The following TMEM117 variants were observed in gnomAD, a reference collection of about 807,000 sequenced individuals.
The protein encoded by TMEM117 is transmembrane protein 117.
In TMEM117, 27 loss-of-function variants were observed where a neutral mutation model predicts 52.4. That is an observed-to-expected ratio of 0.51 (90% CI 0.38 to 0.71). The LOEUF is 0.71. Ranked by LOEUF, TMEM117 falls within the 30% of genes least tolerant of loss-of-function variation. The pLI is 0.00. For synonymous variants in TMEM117, 215 were observed against 206.3 expected, an observed-to-expected ratio of 1.04 and a Z score of -0.36; for missense variants, 556 against 630.5, an observed-to-expected ratio of 0.88 and a Z score of 1.26.
chr12:44,004,234 CAG>C (rs146073194), intron 3 of TMEM117, among the ~76,000 whole-genome samples: 2,047 of 152,230 alleles, frequency 0.013, 37 homozygotes, highest in East Asian at 0.061. Flanking sequence ...GGGATTATAA[CAG>C]GGGTAAGCAG....
At chr12:43,979,276 CCTAA>C (rs1197184610) in intron 3 of TMEM117, among the ~76,000 whole-genome samples, 1 of 151,982 alleles carries the variant, frequency 6.6e-6, no homozygotes, top group African/African-American at 2.4e-5. Context: ...GATTAAACTT[CCTAA>C]CTGTGTGTTC....
intron 3 of TMEM117, among the ~76,000 whole-genome samples, chr12:43,971,015 C>A (rs1945576783): frequency 1.3e-5 from 2 of 152,142 alleles, no homozygotes; most frequent in African/African-American, 2.4e-5. Flanking sequence ...CCTACCCTTG[C>A]CACCCTCTCT....
chr12:44,051,519 G>C (rs1026493504), intron 3 of TMEM117, among the ~76,000 whole-genome samples: 1 of 152,006 alleles, frequency 6.6e-6, no homozygotes, highest in Non-Finnish European at 1.5e-5. Flanking sequence ...ATGTTGTAAG[G>C]GAAATTGTAC....
chr12:44,254,263 G>A (rs879520702), intron 5 of TMEM117, among the ~76,000 whole-genome samples: 62 of 151,946 alleles, frequency 4.1e-4, no homozygotes, highest in Non-Finnish European at 7.8e-4. Flanking sequence ...TTACATGCTA[G>A]AAAGTTGTTT....
At chr12:43,958,965 C>A (rs1333304443) in intron 3 of TMEM117, among the ~76,000 whole-genome samples, 5 of 152,062 alleles carry the variant, frequency 3.3e-5, no homozygotes, top group Non-Finnish European at 7.4e-5. Flanking sequence ...CACCACCACG[C>A]CCGGCTAATT....
At position 44,369,264 on chromosome 12, in the gene TMEM117, C is replaced by T. The variant is rs539178772; in HGVS notation, c.769-7331C>T. Among the ~76,000 whole-genome samples, 4 of 152,282 alleles carry T rather than the reference C, an allele frequency of 2.6e-5. No individual in the cohort carries two copies. The South Asian group carries it at 8.3e-4, about 32-fold the overall frequency. ...TTAAATGAGGCCCAGTGCGTTTCAT[C>T]AGACACATTTCTACCTTGACACTTA... is the stretch of plus-strand genomic sequence containing the variant. On this transcript the variant is annotated intron_variant, in intron 6 of 7. Coordinates refer to ENST00000266534, the MANE Select transcript of TMEM117 (RefSeq NM_032256.3).
chr12:44,015,856 A>G (rs1035158235), intron 3 of TMEM117, among the ~76,000 whole-genome samples: 1 of 152,186 alleles, frequency 6.6e-6, no homozygotes, highest in Non-Finnish European at 1.5e-5. Context: ...GGATTTACCA[A>G]ACAACAAATA....
intron 5 of TMEM117, among the ~76,000 whole-genome samples, chr12:44,257,550 C>T (rs1237823363): frequency 3.3e-5 from 5 of 152,068 alleles, no homozygotes; most frequent in East Asian, 3.8e-4. Flanking sequence ...TATCTGATTT[C>T]GAGTTTCTCC....
At chr12:43,820,099 A>AT in the TMEM117 span, among the ~76,000 whole-genome samples, 1,692 of 149,268 alleles carry the variant, frequency 0.011, 28 homozygotes, top group East Asian at 0.075. Flanking sequence ...TTACAGGTGT[A>AT]TTTTTTTTTG....
At chr12:44,111,657 G>C (rs1251107553) in intron 3 of TMEM117, among the ~76,000 whole-genome samples, 10 of 133,208 alleles carry the variant, frequency 7.5e-5, no homozygotes, top group Non-Finnish European at 3.1e-5. Context: ...TAGGTGTGGT[G>C]TGGTGCTGAG....
At chr12:43,821,156 T>TA in the TMEM117 span, among the ~76,000 whole-genome samples, 1,282 of 152,034 alleles carry the variant, frequency 8.4e-3, 10 homozygotes, top group Non-Finnish European at 0.012. Context: ...AAATTTGCAT[T>TA]ACCACTTGAT....
At chr12:43,835,576 C>T (rs115998749), upstream of TMEM117, among the ~76,000 whole-genome samples, 1,329 of 152,226 alleles carry the variant, frequency 8.7e-3, 18 homozygotes, top group African/African-American at 0.029. Context: ...CCCCACATCC[C>T]CACACCACCA....
chr12:43,985,301 T>C (rs1042738408), intron 3 of TMEM117, among the ~76,000 whole-genome samples: 1 of 152,114 alleles, frequency 6.6e-6, no homozygotes, highest in Non-Finnish European at 1.5e-5. Context: ...GCCAGTAAAA[T>C]TGCAATGAAA....
At chr12:43,921,373 T>C (rs1367835452) in intron 2 of TMEM117, among the ~76,000 whole-genome samples, 1 of 152,206 alleles carries the variant, frequency 6.6e-6, no homozygotes, top group Admixed American at 6.5e-5. Flanking sequence ...TTTTAGTTAG[T>C]ATCTGGTAGA....
intron 6 of TMEM117, among the ~76,000 whole-genome samples, chr12:44,370,166 G>C (rs1207358157): frequency 6.6e-6 from 1 of 152,112 alleles, no homozygotes; most frequent in African/African-American, 2.4e-5. Flanking sequence ...GTATTTACAT[G>C]ATGACTAAAA....
At chr12:44,246,410 T>C (rs1950130107) in intron 5 of TMEM117, among the ~76,000 whole-genome samples, 1 of 152,176 alleles carries the variant, frequency 6.6e-6, no homozygotes, top group Non-Finnish European at 1.5e-5. Flanking sequence ...ATGCTCTTCT[T>C]AAAGAAGACT....
chr12:44,198,248 T>C (rs1295805408), intron 4 of TMEM117, among the ~76,000 whole-genome samples: 2 of 152,178 alleles, frequency 1.3e-5, no homozygotes, highest in Non-Finnish European at 2.9e-5. Context: ...AGAAGGGTGG[T>C]AAAACTACAT....
intron 6 of TMEM117, 175 bp from the exon 7 acceptor site, chr12:44,376,420 C>A: frequency 4.0e-6 from 3 of 745,206 alleles, no homozygotes; most frequent in Non-Finnish European, 6.9e-6. Flanking sequence ...ATTTTGAATG[C>A]ATACTGCTAC....
chr12:44,062,236 G>A (rs889951842), intron 3 of TMEM117, among the ~76,000 whole-genome samples: 1 of 152,160 alleles, frequency 6.6e-6, no homozygotes, highest in African/African-American at 2.4e-5. Context: ...CAGGAATATT[G>A]CCACTTGCAT....
Sources: allele counts gnomAD v4.1 joint callset (sites outside exome capture counted in the v4.1 genomes callset), GRCh38; gene constraint gnomAD v4.1.1; transcripts MANE v1.5; gene names NCBI Gene and HGNC (gene_info 2026-07-23, HGNC 2026-07-21).